Variants in USP42 observed in about 807,000 individuals in gnomAD.
USP42 encodes ubiquitin carboxyl-terminal hydrolase 42.
USP42 carries 23 observed loss-of-function variants against 113.0 expected under a neutral mutation model. That is an observed-to-expected ratio of 0.20 (90% CI 0.15 to 0.29). The LOEUF is 0.29. Ranked by LOEUF, USP42 falls within the 10% of genes least tolerant of loss-of-function variation. USP42 has a pLI of 1.00. For synonymous variants in USP42, 933 were observed against 699.0 expected (o/e 1.33, Z -5.28); for missense variants, 2,174 against 1,779.8 (o/e 1.22, Z -3.99).
the USP42 span, among the ~76,000 whole-genome samples, chr7:6,096,095 G>T: frequency 2.0e-5 from 3 of 151,010 alleles, no homozygotes; most frequent in Admixed American, 1.3e-4. Flanking sequence ...ACTGGCTCAG[G>T]TGGGGGAATC....
At position 6,153,971 on chromosome 7, in the gene USP42, G is replaced by A; in HGVS notation, c.2417G>A (p.Gly806Asp). The A allele has an allele frequency of 1.3e-6, 2 of 1,596,068 alleles. No homozygotes were observed. The highest frequency in any genetic ancestry group is 1.7e-6 in the Non-Finnish European group (2 of 1,173,632). Residue 806 changes from glycine (G) to aspartate (D), a missense_variant, in exon 15 of 18, where the codon GGC (glycine) becomes GAC (aspartate). Coordinates refer to ENST00000306177, the MANE Select transcript of USP42 (RefSeq NM_032172.3). ...VAPEEPPPSAGEDIVGDTAPP... is the reference protein window; with the variant it reads ...VAPEEPPPSADEDIVGDTAPP... ...CCCGAGGAGCCTCCGCCCAGCGCCG[G>A]CGAGGACATCGTGGGGGACACAGCA...
chr7:6,154,097 T>A lies in USP42; in HGVS notation c.2543T>A (p.Leu848Ter). The change falls in exon 15 of 18, where the codon TTG becomes TAG. Residue 848 changes from leucine (L) to a stop codon, truncating the protein, a stop_gained. Coordinates refer to ENST00000306177, the MANE Select transcript of USP42 (RefSeq NM_032172.3). LOFTEE classifies it high-confidence loss of function. ...GCGGAGGGCCCGCGGGACTCGGCGT[T>A]GGCGGAAGCCCCGGAAGGGTTGAGT... ...MIAEGPRDSALAEAPEGLSPA... is the reference protein window; with the variant it reads ...MIAEGPRDSA The A allele has an allele frequency of 6.2e-7, 1 of 1,605,034 alleles. No homozygotes were observed. The highest frequency in any genetic ancestry group is 8.5e-7 in the Non-Finnish European group (1 of 1,178,718).
Position 6,154,804 on chromosome 7 carries a change from G to T in USP42, c.3250G>T (p.Glu1084Ter). The T allele has an allele frequency of 6.5e-7, 1 of 1,545,852 alleles. No homozygotes were observed. The change falls in exon 15 of 18, where the codon GAG becomes TAG. Residue 1084 changes from glutamate (E) to a stop codon, truncating the protein, a stop_gained. Coordinates refer to ENST00000306177, the MANE Select transcript of USP42 (RefSeq NM_032172.3). LOFTEE classifies it high-confidence loss of function. ...WKPFHGGREH[E>*]RAGLHERPHK... ...GCCCTTCCACGGCGGCCGCGAGCAC[G>T]AGCGGGCCGGGCTGCACGAGCGGCC... is the stretch of plus-strand genomic sequence containing the variant.
In USP42 at chr7:6,157,106, T is replaced by A; in HGVS notation, c.3943+51T>A. 6.7e-7 allele frequency: 1 copy of A among 1,491,196 alleles called. No individual in the cohort carries two copies. Among genetic ancestry groups the A allele is most frequent in the Non-Finnish European group, 8.9e-7 (1 of 1,125,660 alleles). 92.4% of individuals were successfully genotyped at this position (1,491,196 alleles called of 1,614,324 possible). On this transcript the variant is annotated intron_variant, in intron 16 of 17. Coordinates refer to ENST00000306177, the MANE Select transcript of USP42 (RefSeq NM_032172.3). The surrounding 1 kb of genome is among the most constrained non-coding windows in gnomAD (Gnocchi z 4.1). The stretch of plus-strand genomic sequence containing the variant: ...AAGATAGAAACTATTTCTTAATACA[T>A]TTTCTTTGCAAAGGTGATTAACATG...
At chr7:6,098,828 G>A in the USP42 span, among the ~76,000 whole-genome samples, 13 of 150,376 alleles carry the variant, frequency 8.6e-5, no homozygotes, top group Admixed American at 2.0e-4. Flanking sequence ...TTACAGGCAT[G>A]AGCCACCATG....
the USP42 span, among the ~76,000 whole-genome samples, chr7:6,097,233 G>C: frequency 1.3e-5 from 2 of 150,942 alleles, no homozygotes; most frequent in African/African-American, 5.0e-5. Flanking sequence ...GCCCTCCGTG[G>C]TCCTGGTAAA....
At chr7:6,149,479 A>G in intron 12 of USP42, 104 bp from the exon 13 acceptor site, 1 of 1,137,546 alleles carries the variant, frequency 8.8e-7, no homozygotes, top group Non-Finnish European at 1.2e-6. Context: ...TTAGTCCTGA[A>G]AAAAAAAAAA....
chr7:6,145,752 T>G, intron 10 of USP42, 96 bp downstream of exon 10: 1 of 1,353,166 alleles, frequency 7.4e-7, no homozygotes, highest in Middle Eastern at 2.0e-4. Context: ...CTTTTACAGT[T>G]AAAATGTGAA....
In USP42 at chr7:6,158,986, C is replaced by T. The variant is rs1562864256; in HGVS notation, c.3944-464C>T. On this transcript the variant is annotated intron_variant, in intron 16 of 17. Transcript: ENST00000306177. This position sits in a 1 kb window ranked among gnomAD's most constrained non-coding sequence, Gnocchi z 4.2. ...TGTTTCCGTCCCCGTCCCACTGCAC[C>T]GATGACAGGGTTTGCAGCTGGCGCT... 6.6e-6 allele frequency among the ~76,000 whole-genome samples: 1 copy of T among 152,060 alleles called. No individual in the cohort carries two copies. Among genetic ancestry groups the T allele is most frequent in the East Asian group, 1.9e-4 (1 of 5,180 alleles).
chr7:6,151,202 T>C (rs937342645), intron 14 of USP42, among the ~76,000 whole-genome samples: 1 of 152,150 alleles, frequency 6.6e-6, no homozygotes, highest in Non-Finnish European at 1.5e-5. Flanking sequence ...AGCCAGTGAG[T>C]GAGTGCTGAG....
At chr7:6,085,821 G>A in the USP42 span, among the ~76,000 whole-genome samples, 1 of 150,254 alleles carries the variant, frequency 6.7e-6, no homozygotes, top group African/African-American at 2.5e-5. Context: ...CACCATGTTG[G>A]CCAGGCTGGT....
chr7:6,091,664 AATC>A, the USP42 span, among the ~76,000 whole-genome samples: 1 of 123,268 alleles, frequency 8.1e-6, no homozygotes, highest in Admixed American at 8.2e-5. Context: ...AACCATATTT[AATC>A]ATTATGTTAG....
At chr7:6,105,461 C>T (rs1330453563) in intron 1 of USP42, among the ~76,000 whole-genome samples, 2 of 147,494 alleles carry the variant, frequency 1.4e-5, no homozygotes, top group Non-Finnish European at 3.0e-5. Context: ...TCCGGCGTCC[C>T]CGGCCCGCCC....
At chr7:6,147,508 AAC>A (rs1388832326) in intron 11 of USP42, among the ~76,000 whole-genome samples, 1 of 152,210 alleles carries the variant, frequency 6.6e-6, no homozygotes, top group Non-Finnish European at 1.5e-5. Flanking sequence ...ATCTTCAGAA[AAC>A]ACAGTTTAAA....
At position 6,155,038 on chromosome 7, in the gene USP42, C is replaced by G; in HGVS notation, c.3484C>G (p.Arg1162Gly). The change falls in exon 15 of 18, where the codon CGG becomes GGG. Residue 1162 changes from arginine to glycine, a missense_variant. By Grantham distance (125) the Arg-to-Gly change is moderately radical. Transcript: ENST00000306177. ...ACACGAAAATGGAAAGTCCCGGAAA[C>G]GGAGACACGACAGTGTGGAGAACAG... ...HEHENGKSRK[R>G]RHDSVENSDS... is the part of the protein sequence containing the mutation. The G allele has an allele frequency of 6.4e-7, 1 of 1,563,522 alleles. No individual in the cohort carries two copies. Among genetic ancestry groups the G allele is most frequent in the Non-Finnish European group, 8.7e-7 (1 of 1,153,828 alleles).
chr7:6,098,625 C>T, the USP42 span, among the ~76,000 whole-genome samples: 3 of 150,324 alleles, frequency 2.0e-5, no homozygotes, highest in Non-Finnish European at 4.4e-5. Context: ...GATCTCAGCT[C>T]ACTGCAACCT....
At chr7:6,097,289 A>G in the USP42 span, among the ~76,000 whole-genome samples, 1 of 150,552 alleles carries the variant, frequency 6.6e-6, no homozygotes, top group Non-Finnish European at 1.5e-5. Flanking sequence ...AGCTGGTAGC[A>G]TGCATTTTAG....
At chr7:6,099,962 CA>C (rs78427438), upstream of USP42, among the ~76,000 whole-genome samples, 77,216 of 134,458 alleles carry the variant, frequency 0.57, 23,908 homozygotes, top group East Asian at 0.86. Flanking sequence ...GACTCCCTCT[CA>C]AAAAAAAAAA....
chr7:6,121,577 C>T (rs1174193486), intron 3 of USP42, among the ~76,000 whole-genome samples: 1 of 151,778 alleles, frequency 6.6e-6, no homozygotes, highest in Non-Finnish European at 1.5e-5. Context: ...GATGTTATTT[C>T]TTCTTTAAAT....
Sources: allele counts gnomAD v4.1 joint callset (sites outside exome capture counted in the v4.1 genomes callset), GRCh38; gene constraint gnomAD v4.1.1; non-coding constraint Gnocchi (gnomAD v3.1); transcripts MANE v1.5; gene names NCBI Gene and HGNC (gene_info 2026-07-23, HGNC 2026-07-21).